PALM2AKAP2: variants seen among roughly 807,000 people sequenced by gnomAD.
The protein encoded by PALM2AKAP2 is PALM2 and AKAP2 fusion, also known as PALM2-AKAP2 fusion protein.
A neutral mutation model predicts 71.5 loss-of-function variants in PALM2AKAP2; 37 were observed. The observed-to-expected ratio is 0.52, with a 90% CI of 0.40 to 0.68. The LOEUF (loss-of-function observed/expected upper bound fraction) is 0.68. Among genes scored for constraint, PALM2AKAP2 ranks in the 30% least tolerant of loss-of-function variants. PALM2AKAP2 has a pLI of 0.00. For synonymous variants in PALM2AKAP2, 468 were observed against 478.8 expected (o/e 0.98, Z 0.29); for missense variants, 1,224 against 1,191.8 (o/e 1.03, Z -0.40).
intron 6 of PALM2AKAP2, among the ~76,000 whole-genome samples, chr9:109,989,450 A>G (rs1832437788): frequency 6.6e-6 from 1 of 152,198 alleles, no homozygotes; most frequent in South Asian, 2.1e-4. Context: ...CAAGATGGTA[A>G]GTCCTGTTTC....
chr9:109,693,161 A>G (rs1827922731), intron 1 of PALM2AKAP2, among the ~76,000 whole-genome samples: 3 of 152,084 alleles, frequency 2.0e-5, no homozygotes, highest in South Asian at 2.1e-4. Context: ...TAATAGATAT[A>G]GGCCTATAGG....
intron 1 of PALM2AKAP2, among the ~76,000 whole-genome samples, chr9:109,852,561 G>T (rs1358937702): frequency 6.6e-6 from 1 of 152,156 alleles, no homozygotes; most frequent in East Asian, 1.9e-4. Context: ...TAATAGGATT[G>T]CAGAGTCCAG....
intron 1 of PALM2AKAP2, among the ~76,000 whole-genome samples, chr9:109,858,968 T>A (rs1451177500): frequency 6.6e-6 from 1 of 152,184 alleles, no homozygotes; most frequent in Non-Finnish European, 1.5e-5. Context: ...ATATAACCCA[T>A]ATGGGCTATA....
intron 1 of PALM2AKAP2, among the ~76,000 whole-genome samples, chr9:109,845,120 T>G (rs1490348064): frequency 6.6e-6 from 1 of 152,206 alleles, no homozygotes; most frequent in African/African-American, 2.4e-5. Context: ...ACTAAGTGCA[T>G]TTGAAGAGTC....
At chr9:109,941,145 C>CTTTTT (rs34635858) in intron 6 of PALM2AKAP2, among the ~76,000 whole-genome samples, 31 of 106,228 alleles carry the variant, frequency 2.9e-4, no homozygotes, top group Admixed American at 4.1e-4. Flanking sequence ...TCTTCCTCTT[C>CTTTTT]TTTTTTTTTT....
chr9:109,976,031 T>A (rs1374902505), intron 6 of PALM2AKAP2, among the ~76,000 whole-genome samples: 5 of 152,254 alleles, frequency 3.3e-5, no homozygotes, highest in African/African-American at 1.2e-4. Flanking sequence ...AAAGATTTAT[T>A]GGAAGCATTT....
chr9:109,652,777 G>T (rs1277891431), intron 1 of PALM2AKAP2, among the ~76,000 whole-genome samples: 2 of 152,130 alleles, frequency 1.3e-5, no homozygotes, highest in Non-Finnish European at 2.9e-5. Flanking sequence ...CTTCATAGGG[G>T]TCACAATCTA....
intron 1 of PALM2AKAP2, among the ~76,000 whole-genome samples, chr9:109,829,097 A>C (rs1048792291): frequency 6.6e-6 from 1 of 152,246 alleles, no homozygotes; most frequent in Non-Finnish European, 1.5e-5. Flanking sequence ...TGGCATACAG[A>C]GGAAATATTG....
intron 1 of PALM2AKAP2, among the ~76,000 whole-genome samples, chr9:109,758,277 T>C (rs952763685): frequency 5.3e-5 from 8 of 152,136 alleles, no homozygotes; most frequent in Non-Finnish European, 1.2e-4. Flanking sequence ...TGGATGGACA[T>C]TCATTTGCTA....
intron 6 of PALM2AKAP2, among the ~76,000 whole-genome samples, chr9:109,971,552 A>G (rs1300620456): frequency 6.6e-6 from 1 of 151,716 alleles, no homozygotes; most frequent in Non-Finnish European, 1.5e-5. Flanking sequence ...CAGCCTCCCA[A>G]GTAGCTGAGA....
intron 1 of PALM2AKAP2, among the ~76,000 whole-genome samples, chr9:109,803,895 A>T (rs915438681): frequency 3.3e-5 from 5 of 152,202 alleles, no homozygotes; most frequent in African/African-American, 1.2e-4. Context: ...GGCTGTAAAT[A>T]TATTCCTTGG....
exon 2 of PALM2AKAP2, chr9:110,137,139 C>A (rs1414109746): frequency 1.2e-6 from 2 of 1,613,666 alleles, no homozygotes; most frequent in East Asian, 4.5e-5. Context: ...GCCCCTGCCT[C>A]TTCTCATGAA....
At chr9:110,172,375 C>T (rs1489760192) in exon 4 of PALM2AKAP2, 1 of 152,592 alleles carries the variant, frequency 6.6e-6, no homozygotes, top group Non-Finnish European at 1.5e-5. Flanking sequence ...AAATTATACT[C>T]TGTATCTGGT....
intron 1 of PALM2AKAP2, among the ~76,000 whole-genome samples, chr9:109,828,238 G>A (rs934783115): frequency 1.3e-5 from 2 of 152,152 alleles, no homozygotes; most frequent in African/African-American, 4.8e-5. Flanking sequence ...GTGTATGTGT[G>A]TATGTTTCCA....
chr9:110,023,614 C>A (rs997753070), intron 7 of PALM2AKAP2, among the ~76,000 whole-genome samples: 1 of 151,924 alleles, frequency 6.6e-6, no homozygotes, highest in African/African-American at 2.4e-5. Context: ...GCACCCAGCT[C>A]CAGTGGCACT....
In PALM2AKAP2 at chr9:109,720,373, A is replaced by T. The variant is rs140527498; in HGVS notation, c.6-60115A>T. 2.0e-5 allele frequency among the ~76,000 whole-genome samples: 3 copies of T among 152,340 alleles called. No individual in the cohort carries two copies. The East Asian group carries it at 5.8e-4, about 29-fold the overall frequency. Reference sequence around the variant, plus strand: ...ATGATGTGAAGGGGGTGGATAGTAAATACAGTTGGTGACACACTGATTCTG... The same window carrying T: ...ATGATGTGAAGGGGGTGGATAGTAATTACAGTTGGTGACACACTGATTCTG... On this transcript the variant is annotated intron_variant, in intron 1 of 6. Transcript: ENST00000374531.
chr9:109,760,240 A>T (rs1829030816), intron 1 of PALM2AKAP2: 1 of 152,218 alleles, frequency 6.6e-6, no homozygotes, highest in African/African-American at 2.4e-5. Flanking sequence ...TGTGGAATTT[A>T]GGTTAAGCAG....
chr9:109,648,464 T>G (rs562673967), intron 1 of PALM2AKAP2, among the ~76,000 whole-genome samples: 10 of 152,188 alleles, frequency 6.6e-5, no homozygotes, highest in Non-Finnish European at 1.3e-4. Flanking sequence ...GGAGCTTATA[T>G]TGTGTTAGAG....
intron 1 of PALM2AKAP2, among the ~76,000 whole-genome samples, chr9:109,821,619 A>G (rs898988954): frequency 1.3e-5 from 2 of 152,232 alleles, no homozygotes; most frequent in African/African-American, 4.8e-5. Context: ...AGACATCACC[A>G]TATGAAAGAT....
Sources: allele counts gnomAD v4.1 joint callset (sites outside exome capture counted in the v4.1 genomes callset), GRCh38; gene constraint gnomAD v4.1.1; transcripts MANE v1.5; gene names NCBI Gene and HGNC (gene_info 2026-07-23, HGNC 2026-07-21).